The following BDH1 variants were observed in gnomAD, a reference collection of about 807,000 sequenced individuals.
The protein encoded by BDH1 is D-beta-hydroxybutyrate dehydrogenase, mitochondrial.
BDH1 carries 30 observed loss-of-function variants against 33.1 expected under a neutral mutation model. The observed-to-expected ratio is 0.91, with a 90% CI of 0.68 to 1.23. The LOEUF is 1.23. Among genes scored for constraint, BDH1 ranks in the 50% most tolerant of loss-of-function variants. BDH1 has a pLI of 0.00. For missense variants in BDH1, 443 were observed against 464.4 expected (o/e 0.95, Z 0.42); for synonymous variants, 190 against 183.6 (o/e 1.03, Z -0.28).
Position 197,528,079 on chromosome 3 carries a change from G to A in BDH1, c.267+4333C>T, listed in dbSNP as rs1319085840. Among the ~76,000 whole-genome samples, 1 of 152,182 alleles carries A rather than the reference G, an allele frequency of 6.6e-6. No individual in the cohort carries two copies. The highest frequency in any genetic ancestry group is 2.4e-5 in the African/African-American group (1 of 41,444). ...AAGGGCAAGAACTTCTCACTGAGGT[G>A]TTATATGCTGTATCTCCAACAGGGA... On this transcript the variant is annotated intron_variant, in intron 5 of 7. Transcript: ENST00000392379. This position sits in a 1 kb window ranked among gnomAD's most constrained non-coding sequence, Gnocchi z 5.1.
chr3:197,533,610 C>G, intron 3 of BDH1, 49 bp from the exon 4 acceptor site: 1 of 1,575,278 alleles, frequency 6.3e-7, no homozygotes, highest in Non-Finnish European at 8.7e-7. Flanking sequence ...TAGACAGACC[C>G]TCAGCCACAC....
chr3:197,559,042 A>C (rs1360520835), upstream of BDH1, among the ~76,000 whole-genome samples: 4 of 139,712 alleles, frequency 2.9e-5, no homozygotes, highest in African/African-American at 1.1e-4. Flanking sequence ...CACTCTTGTT[A>C]CCCAGGCTGG....
chr3:197,569,398 G>T (rs186785430), intron 1 of BDH1, among the ~76,000 whole-genome samples: 134 of 152,236 alleles, frequency 8.8e-4, no homozygotes, highest in African/African-American at 3.1e-3. Flanking sequence ...AATACAGGTG[G>T]CAATTTCTGA....
chr3:197,555,264 G>C (rs1716922073), intron 1 of BDH1: 1 of 154,658 alleles, frequency 6.5e-6, no homozygotes. Context: ...AGGAGGAGGA[G>C]GAGGGACGCG....
At chr3:197,549,023 T>G (rs1256123604) in intron 2 of BDH1, among the ~76,000 whole-genome samples, 1 of 152,232 alleles carries the variant, frequency 6.6e-6, no homozygotes, top group East Asian at 1.9e-4. Context: ...TCATGTTTTG[T>G]GCCAGGCCTT....
chr3:197,538,592 T>G (rs1184652117), intron 3 of BDH1: 1 of 303,902 alleles, frequency 3.3e-6, no homozygotes, highest in Non-Finnish European at 6.5e-6. Context: ...CCTCAGGTGA[T>G]CCGCCTGCCT....
chr3:197,543,660 C>T (rs1451881054), intron 3 of BDH1, among the ~76,000 whole-genome samples: 1 of 152,220 alleles, frequency 6.6e-6, no homozygotes, highest in African/African-American at 2.4e-5. Context: ...GTGATGCCTG[C>T]TCTGGGCATG....
Position 197,561,114 on chromosome 3 carries a change from T to C in BDH1, c.-44+12067A>G, listed in dbSNP as rs142728933. On this transcript the variant is annotated intron_variant, in intron 1 of 6. Transcript: ENST00000358186. The stretch of plus-strand genomic sequence containing the variant: ...GTAAACTTTCTAAATTAACTGAGAC[T>C]TGTCTCAGATTTGGGGGGGTTCACA... 5.3e-5 allele frequency among the ~76,000 whole-genome samples: 8 copies of C among 152,320 alleles called. No individual in the cohort carries two copies. In the East Asian group the frequency reaches 1.5e-3, roughly 29 times the overall value.
At chr3:197,512,388 T>C in intron 7 of BDH1, 24 bp from the exon 8 acceptor site, 1 of 1,583,168 alleles carries the variant, frequency 6.3e-7, no homozygotes, top group Non-Finnish European at 8.6e-7. Context: ...CAGAGGTACC[T>C]GCTAAGCCGT....
At position 197,509,877 on chromosome 3, in the gene BDH1, C is replaced by T. The variant is rs901293626; in HGVS notation, c.*2018G>A. On this transcript the variant is annotated 3_prime_UTR_variant, in exon 8 of 8. Transcript: ENST00000392379. ...GAAAGGATCCTGCTAGAACAAGGTC[C>T]ACGGTACAAAAGCATCCTATGGTTA... 2.0e-5 allele frequency: 3 copies of T among 152,296 alleles called. No homozygotes were observed. The highest frequency in any genetic ancestry group is 2.9e-5 in the Non-Finnish European group (2 of 68,078). 9.4% of individuals were successfully genotyped at this position (152,296 alleles called of 1,614,324 possible).
intron 6 of BDH1, among the ~76,000 whole-genome samples, chr3:197,519,875 C>T (rs1178866252): frequency 6.6e-6 from 1 of 152,072 alleles, no homozygotes; most frequent in African/African-American, 2.4e-5. Context: ...GTGGCTCTCA[C>T]CAGACAATCT....
At position 197,523,473 on chromosome 3, in the gene BDH1, C is replaced by G. The variant is rs1713774581; in HGVS notation, c.268-692G>C. ...ACATCACCACCTGTCCTGACCTGCT[C>G]AGATTAATGGAGTAAGGAAATGGAT... is the stretch of plus-strand genomic sequence containing the variant. On this transcript the variant is annotated intron_variant, in intron 5 of 7. Transcript: ENST00000392379. The surrounding 1 kb of genome is among the most constrained non-coding windows in gnomAD (Gnocchi z 4.5). Among the ~76,000 whole-genome samples, 1 of 152,270 alleles carries G rather than the reference C, an allele frequency of 6.6e-6. No individual in the cohort carries two copies. The highest frequency in any genetic ancestry group is 2.1e-4 in the South Asian group (1 of 4,820).
intron 3 of BDH1, among the ~76,000 whole-genome samples, chr3:197,539,425 C>T (rs1451687263): frequency 6.6e-6 from 1 of 152,222 alleles, no homozygotes; most frequent in Non-Finnish European, 1.5e-5. Context: ...CAGGTGTGAG[C>T]CACCACGCCC....
chr3:197,515,697 A>G, intron 6 of BDH1: 1 of 982,398 alleles, frequency 1.0e-6, no homozygotes, highest in Non-Finnish European at 1.2e-6. Flanking sequence ...TAACTGTGCT[A>G]CCTGCTCTCC....
At chr3:197,549,497 G>C (rs1716372792) in intron 2 of BDH1, among the ~76,000 whole-genome samples, 1 of 152,226 alleles carries the variant, frequency 6.6e-6, no homozygotes, top group Non-Finnish European at 1.5e-5. Flanking sequence ...GGCATTCCCA[G>C]TACTAACATT....
At chr3:197,567,402 C>G (rs1165140255) in intron 1 of BDH1, among the ~76,000 whole-genome samples, 2 of 152,150 alleles carry the variant, frequency 1.3e-5, no homozygotes, top group Non-Finnish European at 2.9e-5. Context: ...ATCTAATTGC[C>G]TCCTTTGGAA....
chr3:197,538,170 G>A (rs1715310019), intron 3 of BDH1: 2 of 404,542 alleles, frequency 4.9e-6, no homozygotes, highest in East Asian at 7.3e-5. Context: ...ATAGAGAAAA[G>A]TACATCTACT....
chr3:197,548,616 T>C (rs1716287962), intron 2 of BDH1, among the ~76,000 whole-genome samples: 2 of 151,828 alleles, frequency 1.3e-5, no homozygotes, highest in South Asian at 2.1e-4. Context: ...TTTGGGAGGC[T>C]GAGGCAGGTG....
chr3:197,560,122 G>C (rs1717212892), upstream of BDH1, among the ~76,000 whole-genome samples: 2 of 152,210 alleles, frequency 1.3e-5, no homozygotes, highest in South Asian at 4.1e-4. Flanking sequence ...CCTTCAAGGA[G>C]GTGTGAAAAG....
Sources: gnomAD v4.1 joint callset for allele counts (sites outside exome capture counted in the v4.1 genomes callset) on GRCh38, gnomAD v4.1.1 for gene constraint, Gnocchi (gnomAD v3.1) non-coding constraint, MANE v1.5 for transcripts, NCBI Gene and HGNC (gene_info 2026-07-23, HGNC 2026-07-21) for gene names.